The following CHD1L variants were observed in gnomAD, a reference collection of about 807,000 sequenced individuals.
CHD1L encodes the protein ATP-dependent chromatin remodeler CHD1L.
In CHD1L, 118 loss-of-function variants were observed where a neutral mutation model predicts 115.9. That is an observed-to-expected ratio of 1.02 (90% CI 0.88 to 1.19). The LOEUF (loss-of-function observed/expected upper bound fraction) is 1.19, where lower values mean the gene tolerates loss of function less well. Among genes scored for constraint, CHD1L ranks in the 50% most tolerant of loss-of-function variants. The pLI is 0.00. For synonymous variants in CHD1L, 411 were observed against 387.1 expected (o/e 1.06, Z -0.72); for missense variants, 1,179 against 1,065.3 (o/e 1.11, Z -1.49).
the CHD1L span, among the ~76,000 whole-genome samples, chr1:147,195,763 T>C: frequency 2.0e-5 from 3 of 152,134 alleles, no homozygotes; most frequent in African/African-American, 7.2e-5. Flanking sequence ...CATAAAATTG[T>C]GGAATATGGA....
At chr1:147,243,686 A>G (rs1553932558) in intron 1 of CHD1L, among the ~76,000 whole-genome samples, 2 of 152,192 alleles carry the variant, frequency 1.3e-5, no homozygotes, top group African/African-American at 2.4e-5. Context: ...TGACAGAATC[A>G]TGCATCAGTA....
chr1:147,192,119 G>A, the CHD1L span, among the ~76,000 whole-genome samples: 1 of 152,018 alleles, frequency 6.6e-6, no homozygotes, highest in Non-Finnish European at 1.5e-5. Flanking sequence ...CCATTTTCAC[G>A]ATATTGATTC....
At chr1:147,277,454 T>G (rs1336958035) in intron 14 of CHD1L, among the ~76,000 whole-genome samples, 2 of 152,198 alleles carry the variant, frequency 1.3e-5, no homozygotes, top group Admixed American at 1.3e-4. Flanking sequence ...AAGACAGGGA[T>G]CCTGTTGTTT....
chr1:147,273,523 G>A (rs1677090326), intron 12 of CHD1L, among the ~76,000 whole-genome samples: 1 of 152,108 alleles, frequency 6.6e-6, no homozygotes, highest in South Asian at 2.1e-4. Flanking sequence ...ATCATAGACT[G>A]CACATGGAGT....
chr1:147,242,557 C>CTTACTG, upstream of CHD1L: 1 of 845,136 alleles, frequency 1.2e-6, no homozygotes. Flanking sequence ...TGCACCAGCT[C>CTTACTG]CGCTCCGGAT....
At chr1:147,289,305 G>A (rs1684591054) in intron 19 of CHD1L, among the ~76,000 whole-genome samples, 1 of 152,082 alleles carries the variant, frequency 6.6e-6, no homozygotes, top group Non-Finnish European at 1.5e-5. Context: ...TAGGACTTGA[G>A]GCAAGAAGAT....
chr1:147,261,966 T>C (rs2102500777), intron 6 of CHD1L, among the ~76,000 whole-genome samples: 2 of 152,108 alleles, frequency 1.3e-5, no homozygotes, highest in Middle Eastern at 6.8e-3. Context: ...GAGGCTGAGA[T>C]GGGTGGATCA....
intron 14 of CHD1L, 92 bp from the exon 15 acceptor site, chr1:147,279,934 C>A: frequency 1.5e-6 from 2 of 1,300,428 alleles, no homozygotes; most frequent in Non-Finnish European, 2.2e-6. Context: ...AAGGACTGTG[C>A]CTGGTGTCGT....
At chr1:147,231,875 T>G in the CHD1L span, among the ~76,000 whole-genome samples, 1 of 152,220 alleles carries the variant, frequency 6.6e-6, no homozygotes, top group Non-Finnish European at 1.5e-5. Context: ...CCTCCTGTGC[T>G]TCCCGGGTGA....
the CHD1L span, chr1:147,204,425 A>T: frequency 0.034 from 40,254 of 1,181,120 alleles, 1,054 homozygotes; most frequent in South Asian, 0.092. Flanking sequence ...TATTGTTTAC[A>T]CATTACAGAG....
At chr1:147,227,238 A>G in the CHD1L span, among the ~76,000 whole-genome samples, 1 of 152,236 alleles carries the variant, frequency 6.6e-6, no homozygotes, top group African/African-American at 2.4e-5. Flanking sequence ...CAGTGTTTCA[A>G]CACAACCATT....
rs1553942858 is a variant in CHD1L at position 147,259,934 on chromosome 1, A to G, written c.576+16A>G. On this transcript the variant is annotated intron_variant, in intron 6 of 22. Transcript: ENST00000369258. ...CTTGTCAGAGGTAAACTTACAGTGT[A>G]GCCTTAGTTTTTATATAACCCCTTC... is the stretch of plus-strand genomic sequence containing the variant. 1 of 1,594,316 alleles carries G rather than the reference A, an allele frequency of 6.3e-7. No homozygotes were observed. Among genetic ancestry groups the G allele is most frequent in the Non-Finnish European group, 8.6e-7 (1 of 1,168,156 alleles).
chr1:147,270,552 A>G (rs1425583199), intron 10 of CHD1L, among the ~76,000 whole-genome samples: 2 of 151,498 alleles, frequency 1.3e-5, no homozygotes, highest in African/African-American at 2.4e-5. Flanking sequence ...TGAATTTTGC[A>G]TTTTACTCTT....
chr1:147,275,476 A>ATTT lies in CHD1L; in HGVS notation c.1385+13_1385+15dup, dbSNP rs782811232. The stretch of plus-strand genomic sequence containing the variant: ...TCGCATTGGCCAAAACAAGTAAGTG[A>ATTT]TTTTTTTCTGCTTCCTTGGCTTGCC... On this transcript the variant is annotated intron_variant, in intron 13 of 22. Transcript: ENST00000369258. 34 of 1,606,096 alleles carry ATTT rather than the reference A, an allele frequency of 2.1e-5. No individual in the cohort carries two copies. Among genetic ancestry groups the ATTT allele is most frequent in the Non-Finnish European group, 2.8e-5 (33 of 1,172,798 alleles).
chr1:147,275,473 G>A lies in CHD1L; in HGVS notation c.1385+5G>A, dbSNP rs782496998. On this transcript the variant is annotated splice_donor_5th_base_variant and intron_variant, in intron 13 of 22. Transcript: ENST00000369258. Reference sequence around the variant, plus strand: ...TCATCGCATTGGCCAAAACAAGTAAGTGATTTTTTTCTGCTTCCTTGGCTT... The same window carrying A: ...TCATCGCATTGGCCAAAACAAGTAAATGATTTTTTTCTGCTTCCTTGGCTT... 6.2e-7 allele frequency: 1 copy of A among 1,611,276 alleles called. No homozygotes were observed.
intron 19 of CHD1L, among the ~76,000 whole-genome samples, chr1:147,288,696 G>T (rs1389164397): frequency 6.6e-6 from 1 of 152,170 alleles, no homozygotes; most frequent in Non-Finnish European, 1.5e-5. Flanking sequence ...AGACCTATGG[G>T]AGAGAAATTG....
the CHD1L span, among the ~76,000 whole-genome samples, chr1:147,205,731 T>G: frequency 2.6e-5 from 4 of 152,276 alleles, no homozygotes; most frequent in South Asian, 2.1e-4. Flanking sequence ...AGCTGAAACT[T>G]GATCCCTTCC....
chr1:147,259,986 G>A, intron 6 of CHD1L, 68 bp downstream of exon 6: 1 of 1,237,528 alleles, frequency 8.1e-7, no homozygotes, highest in Non-Finnish European at 1.1e-6. Flanking sequence ...ATATTTTAGA[G>A]TAATTTTAGA....
the CHD1L span, among the ~76,000 whole-genome samples, chr1:147,218,946 T>C: frequency 5.3e-5 from 8 of 152,208 alleles, no homozygotes; most frequent in Non-Finnish European, 1.0e-4. Flanking sequence ...TCTGTTCATA[T>C]TTCTATAAAG....
Sources: gnomAD v4.1 joint callset for allele counts (sites outside exome capture counted in the v4.1 genomes callset) on GRCh38, gnomAD v4.1.1 for gene constraint, MANE v1.5 for transcripts, NCBI Gene and HGNC (gene_info 2026-07-23, HGNC 2026-07-21) for gene names.